The following PLA2G2A variants were observed in gnomAD, a reference collection of about 807,000 sequenced individuals.
The protein encoded by PLA2G2A is phospholipase A2 group IIA.
A neutral mutation model predicts 11.2 loss-of-function variants in PLA2G2A; 6 were observed. That is an observed-to-expected ratio of 0.54 (90% CI 0.29 to 1.06). The LOEUF (loss-of-function observed/expected upper bound fraction) is 1.06, where lower values mean the gene tolerates loss of function less well. Ranked by LOEUF, PLA2G2A falls within the 50% of genes least tolerant of loss-of-function variation. The probability of loss-of-function intolerance (pLI) is 0.08; values close to 1 mark genes in which losing one functional copy is unlikely to be tolerated. For synonymous variants in PLA2G2A, 69 were observed against 65.8 expected (o/e 1.05, Z -0.23); for missense variants, 133 against 177.1 (o/e 0.75, Z 1.41).
At chr1:19,978,217 T>G (rs1407601444) in intron 3 of PLA2G2A, 96 bp from the exon 4 acceptor site, 1 of 1,333,600 alleles carries the variant, frequency 7.5e-7, no homozygotes, top group South Asian at 1.2e-5. Context: ...AGAGACCCAG[T>G]GACTTTGCAA....
intron 1 of PLA2G2A, 124 bp from the exon 2 acceptor site, chr1:19,979,003 C>CACA (rs2046266385): frequency 4.8e-5 from 23 of 476,646 alleles, no homozygotes; most frequent in Admixed American, 3.1e-4. Context: ...ACACACACAA[C>CACA]CACCTCCTGA....
At chr1:19,976,268 T>TG (rs930809792) in intron 4 of PLA2G2A, among the ~76,000 whole-genome samples, 5 of 152,178 alleles carry the variant, frequency 3.3e-5, no homozygotes, top group African/African-American at 4.8e-5. Flanking sequence ...GGAAGTCTGC[T>TG]GGGGGCTTCT....
At chr1:19,980,184 A>G (rs928944414), upstream of PLA2G2A, among the ~76,000 whole-genome samples, 7 of 152,190 alleles carry the variant, frequency 4.6e-5, no homozygotes, top group Middle Eastern at 3.2e-3. Flanking sequence ...AGAGAGTTTA[A>G]TGGGGGTGGA....
In PLA2G2A at chr1:19,978,419, CCA is replaced by C. The variant is rs587776800; in HGVS notation, c.144_145del (p.Cys48TrpfsTer20). 3.8e-5 allele frequency: 61 copies of C among 1,613,480 alleles called. No homozygotes were observed. The highest frequency in any genetic ancestry group is 5.0e-5 in the Non-Finnish European group (59 of 1,180,010). On this transcript the variant is annotated frameshift_variant, in exon 3 of 5. Transcript: ENST00000482011. LOFTEE classifies it high-confidence loss of function. ...CTTGGGGGATCCTCTGCCACCCACG[CCA>C]CAGTGGCAGCCGTAGAAGCCATAAC...
At chr1:19,976,600 G>A (rs893796294) in intron 4 of PLA2G2A, among the ~76,000 whole-genome samples, 3 of 152,210 alleles carry the variant, frequency 2.0e-5, no homozygotes, top group Admixed American at 6.5e-5. Flanking sequence ...TCTATGGAGA[G>A]GCCATGATGG....
chr1:19,978,743 T>C (rs563547409), exon 2 of PLA2G2A: 6 of 1,614,154 alleles, frequency 3.7e-6, no homozygotes, highest in East Asian at 2.2e-5. Context: ...CCAAAGATCA[T>C]GATCACTGCC....
chr1:19,977,958 G>T, intron 4 of PLA2G2A, 57 bp downstream of exon 4: 1 of 1,025,148 alleles, frequency 9.8e-7, no homozygotes, highest in South Asian at 1.3e-5. Flanking sequence ...GCCCAGCACA[G>T]TCCCCAGCAC....
At chr1:19,979,462 C>CCGAGATCT in intron 1 of PLA2G2A, 118 bp downstream of exon 1, 1 of 156,646 alleles carries the variant, frequency 6.4e-6, no homozygotes, top group Non-Finnish European at 1.4e-5. Flanking sequence ...CTCATGCACA[C>CCGAGATCT]ACACCCTCTC....
upstream of PLA2G2A, chr1:19,979,795 G>A (rs987422289): frequency 7.9e-5 from 12 of 152,264 alleles, no homozygotes; most frequent in African/African-American, 2.7e-4. Context: ...GTTGAGGATT[G>A]GGAAACCTTA....
At chr1:19,978,696 C>A in intron 2 of PLA2G2A, 38 bp downstream of exon 2, 1 of 1,609,172 alleles carries the variant, frequency 6.2e-7, no homozygotes, top group South Asian at 1.1e-5. Flanking sequence ...CCTTCTGGGG[C>A]TGTCCCCCCA....
chr1:19,975,505 G>C, downstream of PLA2G2A: 1 of 625,214 alleles, frequency 1.6e-6, no homozygotes, highest in African/African-American at 1.8e-5. Flanking sequence ...ACGGAGTTGA[G>C]GTGGAGGAGA....
At chr1:19,978,280 C>G in intron 3 of PLA2G2A, 100 bp downstream of exon 3, 1 of 1,478,196 alleles carries the variant, frequency 6.8e-7, no homozygotes, top group Non-Finnish European at 9.4e-7. Flanking sequence ...CCAGGCCATC[C>G]TGAGACCTCT....
At chr1:19,978,998 CACAA>C in intron 1 of PLA2G2A, 119 bp from the exon 2 acceptor site, 1 of 609,100 alleles carries the variant, frequency 1.6e-6, no homozygotes. Context: ...CACACACACA[CACAA>C]CCACCTCCTG....
Position 19,978,001 on chromosome 1 carries a change from G to A in PLA2G2A, c.292+14C>T, listed in dbSNP as rs772763613. ...ACAAATGAGGGCCACTCGATGGTGA[G>A]GTAGGACTCTTACCACAGGTGATTC... On this transcript the variant is annotated intron_variant, in intron 4 of 4. Transcript: ENST00000482011. The A allele has an allele frequency of 1.4e-6, 2 of 1,478,508 alleles. No homozygotes were observed. Among genetic ancestry groups the A allele is most frequent in the South Asian group, 2.3e-5 (2 of 88,418 alleles). The allele number at this position is 1,478,508 out of a possible 1,614,324, so 91.6% of individuals were successfully genotyped here. A position where few individuals can be genotyped will look rare whatever the true frequency, so the allele number is the denominator to read the frequency against.
exon 3 of PLA2G2A, chr1:19,978,386 G>A (rs758590838): frequency 6.2e-6 from 10 of 1,612,506 alleles, no homozygotes; most frequent in Middle Eastern, 1.8e-4. Context: ...TCACCGATCC[G>A]TTGCATCCTT....
At chr1:19,978,937 C>T (rs2046264179) in intron 1 of PLA2G2A, 58 bp from the exon 2 acceptor site, 1 of 685,078 alleles carries the variant, frequency 1.5e-6, no homozygotes, top group South Asian at 1.6e-5. Context: ...CTTCCTCTGT[C>T]ACACTCAGAG....
At chr1:19,975,604 C>A, downstream of PLA2G2A, 1 of 1,153,926 alleles carries the variant, frequency 8.7e-7, no homozygotes, top group Non-Finnish European at 1.3e-6. Context: ...GTGAGGGATG[C>A]TTTCTGCATG....
Position 19,978,252 on chromosome 1 carries a change from T to C in PLA2G2A, c.185+128A>G, listed in dbSNP as rs1315746654. 1.0e-5 allele frequency: 14 copies of C among 1,370,932 alleles called. No individual in the cohort carries two copies. The East Asian group carries it at 2.8e-4, about 27-fold the overall frequency. 84.9% of individuals were successfully genotyped at this position (1,370,932 alleles called of 1,614,324 possible). A position where few individuals can be genotyped will look rare whatever the true frequency, so the allele number is the denominator to read the frequency against. ...ACAGTCTAGAGCAGAAGTTCCAACATGCCGGCTGCTTTTCCAGCCAGGCCA... is the reference window on the plus strand; with the variant it reads ...ACAGTCTAGAGCAGAAGTTCCAACACGCCGGCTGCTTTTCCAGCCAGGCCA... On this transcript the variant is annotated intron_variant, in intron 3 of 4. Coordinates refer to ENST00000482011, the Ensembl canonical transcript of PLA2G2A.
chr1:19,975,614 G>T, downstream of PLA2G2A: 1 of 1,271,386 alleles, frequency 7.9e-7, no homozygotes, highest in Non-Finnish European at 1.2e-6. Context: ...CTTTCTGCAT[G>T]GCCAAGGAAC....
Sources: allele counts gnomAD v4.1 joint callset (sites outside exome capture counted in the v4.1 genomes callset), GRCh38; gene constraint gnomAD v4.1.1; transcripts MANE v1.5; gene names NCBI Gene and HGNC (gene_info 2026-07-23, HGNC 2026-07-21).